Variants in DOCK1 observed in about 807,000 individuals in gnomAD.
The protein encoded by DOCK1 is dedicator of cytokinesis 1.
A neutral mutation model predicts 262.7 loss-of-function variants in DOCK1; 138 were observed. The ratio of observed to expected loss-of-function variants is 0.53; its 90% CI spans 0.46 to 0.61. The LOEUF (loss-of-function observed/expected upper bound fraction) is 0.61. DOCK1 is among the 20% of genes least tolerant of loss of function. The probability of loss-of-function intolerance (pLI) is 0.00; values close to 1 mark genes in which losing one functional copy is unlikely to be tolerated. For synonymous variants in DOCK1, 866 were observed against 867.4 expected, an observed-to-expected ratio of 1.00 and a Z score of 0.03; for missense variants, 1,908 against 2,370.7, an observed-to-expected ratio of 0.80 and a Z score of 4.05.
chr10:127,153,105 C>G (rs2052669957), intron 27 of DOCK1, among the ~76,000 whole-genome samples: 2 of 152,244 alleles, frequency 1.3e-5, no homozygotes, highest in East Asian at 3.9e-4. Flanking sequence ...AAATTATTCT[C>G]CAGTCTAAAC....
rs200228483 is a variant in DOCK1, at chr10:127,350,129, G to GCTGAT, written c.3225-4539_3225-4538insTGATC. 3.5e-3 allele frequency among the ~76,000 whole-genome samples: 538 copies of GCTGAT among 152,194 alleles called. 3 individuals are homozygous for GCTGAT. Among genetic ancestry groups the GCTGAT allele is most frequent in the Middle Eastern group, 0.024 (7 of 294 alleles). On this transcript the variant is annotated intron_variant, in intron 31 of 51. Coordinates refer to ENST00000623213, the MANE Select transcript of DOCK1 (RefSeq NM_001290223.2). ...GAAAAAATATCAGCATTCATTGCAG[G>GCTGAT]CAGTAAGGTTAAGCATCATTTCATA...
chr10:126,977,394 G>T (rs1352204021), intron 2 of DOCK1, among the ~76,000 whole-genome samples: 2 of 152,190 alleles, frequency 1.3e-5, no homozygotes, highest in Non-Finnish European at 2.9e-5. Flanking sequence ...TCCTGTGCTT[G>T]GCCCTGGAGC....
At chr10:126,962,047 GGGTGCAGTGGTGCGCTCTC>G (rs2037263277) in intron 1 of DOCK1, among the ~76,000 whole-genome samples, 1 of 152,092 alleles carries the variant, frequency 6.6e-6, no homozygotes. Context: ...ACCCAGGCTG[GGGTGCAGTGGTGCGCTCTC>G]GGCTCACTGC....
chr10:127,321,561 C>T (rs940031099), intron 29 of DOCK1, among the ~76,000 whole-genome samples: 1 of 151,816 alleles, frequency 6.6e-6, no homozygotes. Context: ...CCAGACCCCA[C>T]TTTCACCTGG....
chr10:127,045,906 A>G (rs1210768346), intron 21 of DOCK1, among the ~76,000 whole-genome samples: 1 of 152,196 alleles, frequency 6.6e-6, no homozygotes, highest in Non-Finnish European at 1.5e-5. Flanking sequence ...CTTTTTGTGC[A>G]GGTATAAGAT....
At chr10:127,352,598 G>T (rs2063937788) in intron 31 of DOCK1, among the ~76,000 whole-genome samples, 1 of 151,410 alleles carries the variant, frequency 6.6e-6, no homozygotes, top group Non-Finnish European at 1.5e-5. Context: ...GCAGTGGCCA[G>T]TTTTTTTTTC....
intron 38 of DOCK1, among the ~76,000 whole-genome samples, chr10:127,386,746 C>G (rs891814209): frequency 6.6e-6 from 1 of 152,138 alleles, no homozygotes; most frequent in South Asian, 2.1e-4. Context: ...ATGTAATGCC[C>G]GTGAATCATC....
At chr10:127,018,037 C>T in intron 12 of DOCK1, among the ~76,000 whole-genome samples, 1 of 152,232 alleles carries the variant, frequency 6.6e-6, no homozygotes, top group East Asian at 1.9e-4. Flanking sequence ...CCAGGATACC[C>T]CTGGCATCTA....
chr10:127,288,002 TGA>T (rs2061219843), intron 29 of DOCK1, among the ~76,000 whole-genome samples: 1 of 152,220 alleles, frequency 6.6e-6, no homozygotes, highest in Non-Finnish European at 1.5e-5. Flanking sequence ...GATGGTACCC[TGA>T]GAGTGTTTAT....
At chr10:127,350,904 G>A (rs968344208) in intron 31 of DOCK1, among the ~76,000 whole-genome samples, 1 of 152,050 alleles carries the variant, frequency 6.6e-6, no homozygotes, top group African/African-American at 2.4e-5. Flanking sequence ...AGATAGACAG[G>A]GACATCATCA....
Position 127,000,039 on chromosome 10 carries a change from A to G in DOCK1, c.850-133A>G, listed in dbSNP as rs1403753461. ...TATTGTTATTAAATTCCTTTTTGTC[A>G]TATGAATAACTGATTAAAATGATAA... On this transcript the variant is annotated intron_variant, in intron 9 of 51. Transcript: ENST00000623213. 7 of 1,019,410 alleles carry G rather than the reference A, an allele frequency of 6.9e-6. No individual in the cohort carries two copies. In the Admixed American group the frequency reaches 1.6e-4, roughly 24 times the overall value. The allele number at this position is 1,019,410 out of a possible 1,614,324, so 63.1% of individuals were successfully genotyped here. A position where few individuals can be genotyped will look rare whatever the true frequency, so the allele number is the denominator to read the frequency against.
chr10:127,261,586 CAT>C (rs1469063627), intron 29 of DOCK1, among the ~76,000 whole-genome samples: 2 of 95,908 alleles, frequency 2.1e-5, no homozygotes, highest in African/African-American at 9.3e-5. Context: ...CATGTGTGTG[CAT>C]GTGGGTGTGT....
At position 126,924,686 on chromosome 10, in the gene DOCK1, C is replaced by T. The variant is rs552056387; in HGVS notation, c.46+19123C>T. 2.9e-3 allele frequency among the ~76,000 whole-genome samples: 438 copies of T among 152,316 alleles called. 3 individuals carry two copies. Among genetic ancestry groups the T allele is most frequent in the Non-Finnish European group, 5.5e-3 (377 of 68,030 alleles). On this transcript the variant is annotated intron_variant, in intron 1 of 51. Transcript: ENST00000623213. Reference sequence around the variant, plus strand: ...AAATGAAATCTCATTTTGCAGTTTTCGTCTGACCAGCAGTTACCATGGAGG... The same window carrying T: ...AAATGAAATCTCATTTTGCAGTTTTTGTCTGACCAGCAGTTACCATGGAGG...
intron 27 of DOCK1, among the ~76,000 whole-genome samples, chr10:127,205,251 T>TG (rs771243871): frequency 2.0e-5 from 3 of 152,168 alleles, no homozygotes; most frequent in Non-Finnish European, 4.4e-5. Context: ...CATACGTTAT[T>TG]GGCTCTTTCC....
At chr10:127,220,137 G>C (rs1455359520) in intron 27 of DOCK1, among the ~76,000 whole-genome samples, 1 of 151,782 alleles carries the variant, frequency 6.6e-6, no homozygotes, top group Non-Finnish European at 1.5e-5. Context: ...TTCCACTTTT[G>C]CATCCTAGAT....
chr10:127,335,362 C>G (rs1356614755), intron 29 of DOCK1, among the ~76,000 whole-genome samples: 2 of 152,324 alleles, frequency 1.3e-5, no homozygotes, highest in East Asian at 3.9e-4. Context: ...TGATCCTGCA[C>G]TGTGTGGAGC....
intron 13 of DOCK1, among the ~76,000 whole-genome samples, chr10:127,019,262 G>A (rs1039630348): frequency 6.6e-6 from 1 of 152,184 alleles, no homozygotes; most frequent in Non-Finnish European, 1.5e-5. Flanking sequence ...ATTCCTCCAT[G>A]AATTCTAAGT....
chr10:127,216,663 A>T (rs1054016427), intron 27 of DOCK1, among the ~76,000 whole-genome samples: 1 of 152,086 alleles, frequency 6.6e-6, no homozygotes, highest in East Asian at 1.9e-4. Context: ...ATAGTAATGC[A>T]CCCATCCCAA....
At chr10:127,163,894 G>A (rs1272876089) in intron 27 of DOCK1, among the ~76,000 whole-genome samples, 1 of 150,714 alleles carries the variant, frequency 6.6e-6, no homozygotes, top group African/African-American at 2.4e-5. Context: ...TTTCGATGGT[G>A]TGGACAAATT....
Sources: gnomAD v4.1 joint callset for allele counts (sites outside exome capture counted in the v4.1 genomes callset) on GRCh38, gnomAD v4.1.1 for gene constraint, MANE v1.5 for transcripts, NCBI Gene and HGNC (gene_info 2026-07-23, HGNC 2026-07-21) for gene names.